Variants in CUL1 observed in about 807,000 individuals in gnomAD.
CUL1 encodes cullin-1.
CUL1 carries 24 observed loss-of-function variants against 118.0 expected under a neutral mutation model. The ratio of observed to expected loss-of-function variants is 0.20; its 90% CI spans 0.15 to 0.29. The LOEUF is 0.29. Among genes scored for constraint, CUL1 ranks in the 10% least tolerant of loss-of-function variants. CUL1 has a pLI of 1.00. For missense variants in CUL1, 361 were observed against 933.8 expected (o/e 0.39, Z 7.99); for synonymous variants, 332 against 340.4 (o/e 0.98, Z 0.27).
At chr7:148,701,633 G>A (rs1470443852) in intron 1 of CUL1, among the ~76,000 whole-genome samples, 3 of 152,166 alleles carry the variant, frequency 2.0e-5, no homozygotes, top group Non-Finnish European at 2.9e-5. Context: ...CAAGCCCCAT[G>A]GTTCTGCTGG....
At chr7:148,799,163 A>G in intron 20 of CUL1, 112 bp from the exon 21 acceptor site, 1 of 675,666 alleles carries the variant, frequency 1.5e-6, no homozygotes, top group Non-Finnish European at 2.5e-6. Flanking sequence ...CTGTTAGGAA[A>G]TTGTGATCCT....
intron 1 of CUL1, among the ~76,000 whole-genome samples, chr7:148,719,308 CA>C (rs942998459): frequency 1.1e-3 from 154 of 137,146 alleles, no homozygotes; most frequent in Admixed American, 1.1e-3. Context: ...GAGACTTCGT[CA>C]AAAAAAAAAA....
rs565358495 is a variant in CUL1, at chr7:148,799,157, T to G, written c.2137-118T>G. On this transcript the variant is annotated intron_variant, in intron 20 of 21. Transcript: ENST00000325222. Reference sequence around the variant, plus strand: ...CACCTGCAGGATGTTTGTTGCCTGTTAGGAAATTGTGATCCTGTGCATAGG... The same window carrying G: ...CACCTGCAGGATGTTTGTTGCCTGTGAGGAAATTGTGATCCTGTGCATAGG... 8.0e-5 allele frequency: 53 copies of G among 664,724 alleles called. No homozygotes were observed. The South Asian group carries it at 1.0e-3, about 13-fold the overall frequency. 41.2% of individuals were successfully genotyped at this position (664,724 alleles called of 1,614,324 possible). A position where few individuals can be genotyped will look rare whatever the true frequency, so the allele number is the denominator to read the frequency against.
At chr7:148,723,922 G>C (rs946231993) in intron 1 of CUL1, among the ~76,000 whole-genome samples, 1 of 151,876 alleles carries the variant, frequency 6.6e-6, no homozygotes, top group African/African-American at 2.4e-5. Flanking sequence ...GTTTTATACT[G>C]TGTTTTTCTG....
chr7:148,745,212 G>A (rs1361397686), intron 2 of CUL1, among the ~76,000 whole-genome samples: 2 of 151,764 alleles, frequency 1.3e-5, no homozygotes, highest in Non-Finnish European at 2.9e-5. Context: ...TCTTTTTCAT[G>A]GTTTCTGTTT....
chr7:148,759,414 T>G, intron 5 of CUL1, 60 bp downstream of exon 5: 1 of 1,570,698 alleles, frequency 6.4e-7, no homozygotes, highest in East Asian at 2.2e-5. Flanking sequence ...GTTTCGTTGC[T>G]TAGCTTTTGT....
At chr7:148,725,198 TAC>T (rs147863334) in intron 1 of CUL1, among the ~76,000 whole-genome samples, 5,463 of 106,744 alleles carry the variant, frequency 0.051, 321 homozygotes, top group African/African-American at 0.15. Context: ...TGCGCGCGTG[TAC>T]ACACACACAC....
In CUL1 at chr7:148,799,364, C is replaced by T. The variant is rs1162065983; in HGVS notation, c.2226C>T (p.Phe742=). The stretch of plus-strand genomic sequence containing the variant: ...TCCTCACTCAGCTGTCCTCCAGGTT[C>T]AAACCTCGAGTCCCTGTGATCAAGG... ...GEVLTQLSSR[F]KPRVPVIKKC... The change falls in exon 21 of 22, where the codon TTC becomes TTT. Residue 742 remains phenylalanine (F), a synonymous_variant. Coordinates refer to ENST00000325222, the MANE Select transcript of CUL1 (RefSeq NM_003592.3). The T allele has an allele frequency of 6.2e-7, 1 of 1,613,108 alleles. No homozygotes were observed. Among genetic ancestry groups the T allele is most frequent in the African/African-American group, 1.3e-5 (1 of 75,002 alleles).
At chr7:148,727,065 G>T (rs553007443) in intron 1 of CUL1, among the ~76,000 whole-genome samples, 1 of 152,114 alleles carries the variant, frequency 6.6e-6, no homozygotes, top group East Asian at 1.9e-4. Context: ...CATTATGAGC[G>T]TAGACGATGT....
At chr7:148,789,615 T>A in intron 14 of CUL1, 135 bp from the exon 15 acceptor site, 1 of 712,702 alleles carries the variant, frequency 1.4e-6, no homozygotes. Flanking sequence ...AATTTTATAT[T>A]CAAGCAGGAT....
chr7:148,718,463 T>C (rs1224101196), intron 1 of CUL1, among the ~76,000 whole-genome samples: 1 of 152,240 alleles, frequency 6.6e-6, no homozygotes, highest in Non-Finnish European at 1.5e-5. Flanking sequence ...TTTCATGTAA[T>C]AAATGGAGTC....
intron 17 of CUL1, among the ~76,000 whole-genome samples, chr7:148,795,334 G>A (rs1801149351): frequency 6.6e-6 from 1 of 151,696 alleles, no homozygotes; most frequent in African/African-American, 2.4e-5. Context: ...GTTTCACTGT[G>A]TTGCCCAGAT....
chr7:148,732,503 G>A (rs543740828), intron 2 of CUL1, among the ~76,000 whole-genome samples: 756 of 151,534 alleles, frequency 5.0e-3, no homozygotes, highest in African/African-American at 0.017. Context: ...CATCATGCCC[G>A]GCTAATTTTT....
intron 1 of CUL1, among the ~76,000 whole-genome samples, chr7:148,728,799 A>G (rs909352787): frequency 2.6e-5 from 4 of 152,208 alleles, no homozygotes; most frequent in African/African-American, 9.7e-5. Context: ...GCATGACCTC[A>G]CAGGGTCCCT....
chr7:148,730,095 A>C lies in CUL1; in HGVS notation c.-28A>C, dbSNP rs1254236306. 1.2e-6 allele frequency: 2 copies of C among 1,605,926 alleles called. No homozygotes were observed. The highest frequency in any genetic ancestry group is 3.4e-5 in the Admixed American group (2 of 58,824). ...CTGTACTTTGAATAAGGATTGCTGC[A>C]CTGGACGACTTTAGAACATCCCTCA... is the stretch of plus-strand genomic sequence containing the variant. On this transcript the variant is annotated 5_prime_UTR_variant, in exon 2 of 22. Transcript: ENST00000325222.
At chr7:148,777,066 A>C (rs1452829091) in intron 9 of CUL1, among the ~76,000 whole-genome samples, 2 of 152,244 alleles carry the variant, frequency 1.3e-5, no homozygotes, top group African/African-American at 4.8e-5. Flanking sequence ...ACATTTACAG[A>C]GTACATTCTG....
At chr7:148,757,676 T>C (rs243478) in intron 4 of CUL1, among the ~76,000 whole-genome samples, 82,110 of 152,010 alleles carry the variant, frequency 0.54, 22,650 homozygotes, top group African/African-American at 0.65. Context: ...TGTATTAGTC[T>C]GTTTTCATAC....
chr7:148,730,844 C>T (rs1318439932), intron 2 of CUL1, among the ~76,000 whole-genome samples: 2 of 152,150 alleles, frequency 1.3e-5, no homozygotes, highest in Non-Finnish European at 2.9e-5. Context: ...CAAGGTCTCG[C>T]TCTGTCACCC....
chr7:148,749,441 AAG>A (rs1241008916), intron 2 of CUL1, among the ~76,000 whole-genome samples: 83 of 148,174 alleles, frequency 5.6e-4, no homozygotes, highest in African/African-American at 2.0e-3. Flanking sequence ...AAAAAGTAAA[AAG>A]GTACAGAAAT....
Sources: gnomAD v4.1 joint callset for allele counts (sites outside exome capture counted in the v4.1 genomes callset) on GRCh38, gnomAD v4.1.1 for gene constraint, MANE v1.5 for transcripts, NCBI Gene and HGNC (gene_info 2026-07-23, HGNC 2026-07-21) for gene names.